SLC6A12: variants seen among roughly 807,000 people sequenced by gnomAD.
The protein encoded by SLC6A12 is sodium- and chloride-dependent betaine transporter.
SLC6A12 carries 50 observed loss-of-function variants against 73.3 expected under a neutral mutation model. The ratio of observed to expected loss-of-function variants is 0.68; its 90% CI spans 0.54 to 0.86. The LOEUF is 0.86. Ranked by LOEUF, SLC6A12 falls within the 40% of genes least tolerant of loss-of-function variation. The pLI is 0.00. For missense variants in SLC6A12, 648 were observed against 772.8 expected (o/e 0.84, Z 1.92); for synonymous variants, 304 against 309.2 (o/e 0.98, Z 0.18).
intron 1 of SLC6A12, among the ~76,000 whole-genome samples, chr12:212,460 G>C (rs1430643449): frequency 1.3e-5 from 2 of 152,144 alleles, no homozygotes; most frequent in African/African-American, 2.4e-5. Flanking sequence ...TCAGAAATAG[G>C]GGAAGTGCAA....
At chr12:188,096 C>G (rs1939468076), downstream of SLC6A12, among the ~76,000 whole-genome samples, 1 of 152,246 alleles carries the variant, frequency 6.6e-6, no homozygotes, top group South Asian at 2.1e-4. Context: ...GAGCTGCCTC[C>G]CAGTCCGGTT....
In SLC6A12 at chr12:198,644, CT is replaced by C; in HGVS notation, c.846+152del. The stretch of plus-strand genomic sequence containing the variant: ...GAATTACAAGAGATTTTTTTAGTTT[CT>C]TTTTTATAGCTTTCTTCCATATTTT... On this transcript the variant is annotated intron_variant, in intron 8 of 15. Coordinates refer to ENST00000684302, the MANE Select transcript of SLC6A12 (RefSeq NM_001122848.3). This position sits in a 1 kb window ranked among gnomAD's most constrained non-coding sequence, Gnocchi z 4.0. 1 of 691,524 alleles carries C rather than the reference CT, an allele frequency of 1.4e-6. No homozygotes were observed. The allele number at this position is 691,524 out of a possible 1,614,324, so 42.8% of individuals were successfully genotyped here.
chr12:204,106 G>A (rs527404481), intron 4 of SLC6A12: 7 of 170,358 alleles, frequency 4.1e-5, no homozygotes, highest in East Asian at 3.1e-4. Context: ...GTCCGTGAGC[G>A]TGCTTGGACC....
chr12:204,760 T>C, intron 3 of SLC6A12, 62 bp from the exon 4 acceptor site: 1 of 1,588,020 alleles, frequency 6.3e-7, no homozygotes, highest in Non-Finnish European at 8.6e-7. Flanking sequence ...CTCCATCCTT[T>C]CAGACCCTCC....
At chr12:200,864 C>A (rs537332009) in intron 6 of SLC6A12, 81 bp from the exon 7 acceptor site, 9 of 1,433,448 alleles carry the variant, frequency 6.3e-6, no homozygotes. Flanking sequence ...TCCTGATTCT[C>A]AGAGCTGACC....
downstream of SLC6A12, among the ~76,000 whole-genome samples, chr12:185,604 G>A (rs1939417121): frequency 6.6e-6 from 1 of 152,256 alleles, no homozygotes; most frequent in Non-Finnish European, 1.5e-5. Context: ...CCTGTGGATG[G>A]ACACGAGCCT....
At chr12:212,969 G>C (rs1249294908) in intron 1 of SLC6A12, among the ~76,000 whole-genome samples, 39 of 152,094 alleles carry the variant, frequency 2.6e-4, no homozygotes, top group Non-Finnish European at 1.5e-5. Flanking sequence ...TCCACACCGG[G>C]CTTGGTGCTG....
downstream of SLC6A12, among the ~76,000 whole-genome samples, chr12:187,600 A>AAAAAAAC (rs1565461300): frequency 9.9e-5 from 1 of 10,142 alleles, no homozygotes; most frequent in African/African-American, 1.5e-4. Context: ...AAAAAAAAAA[A>AAAAAAAC]AAAAAAAAAA....
At chr12:186,834 A>G (rs1205970687), downstream of SLC6A12, among the ~76,000 whole-genome samples, 2 of 152,204 alleles carry the variant, frequency 1.3e-5, no homozygotes, top group Non-Finnish European at 2.9e-5. Context: ...TTCATGGATG[A>G]ATAGCATCAT....
intron 4 of SLC6A12, chr12:203,138 C>T (rs1940386111): frequency 4.2e-6 from 1 of 238,088 alleles, no homozygotes; most frequent in Admixed American, 6.8e-5. Flanking sequence ...ACAGTCTCGG[C>T]TCACTGGAAC....
intron 15 of SLC6A12, 143 bp downstream of exon 15, chr12:192,335 C>T: frequency 1.4e-6 from 1 of 693,260 alleles, no homozygotes; most frequent in East Asian, 2.7e-5. Context: ...CAAAGTTCGT[C>T]TCGTTAAGAT....
chr12:186,394 G>A (rs77827781), downstream of SLC6A12, among the ~76,000 whole-genome samples: 59 of 152,310 alleles, frequency 3.9e-4, no homozygotes, highest in East Asian at 9.4e-3. Flanking sequence ...ATTATCTACT[G>A]CTGTGTAAAA....
downstream of SLC6A12, among the ~76,000 whole-genome samples, chr12:187,274 G>A (rs1297331251): frequency 6.6e-6 from 1 of 152,108 alleles, no homozygotes; most frequent in African/African-American, 2.4e-5. Flanking sequence ...TGAAGCCGCA[G>A]ACCCTCACAG....
At chr12:185,132 G>C (rs888511085), downstream of SLC6A12, among the ~76,000 whole-genome samples, 2 of 152,162 alleles carry the variant, frequency 1.3e-5, no homozygotes, top group Non-Finnish European at 2.9e-5. Context: ...ACACCCTAAA[G>C]AACCAAGAGG....
Position 196,214 on chromosome 12 carries a change from G to T in SLC6A12, c.1236C>A (p.Pro412=). 6.2e-7 allele frequency: 1 copy of T among 1,600,444 alleles called. No homozygotes were observed. ...CLVTASIDMF[P]RQLRKSGRRE... ...GCCGCCCGCTCTTCCGGAGCTGCCT[G>T]GGGAACATGTCTATGGAGGCTGTCA... is the stretch of plus-strand genomic sequence containing the variant. Residue 412 remains proline, a synonymous_variant, in exon 12 of 16, where the codon CCC becomes CCA. Transcript: ENST00000684302.
chr12:195,263 AG>A lies in SLC6A12; in HGVS notation c.1390del (p.Leu464CysfsTer9). On this transcript the variant is annotated frameshift_variant, in exon 13 of 16. Coordinates refer to ENST00000684302, the MANE Select transcript of SLC6A12 (RefSeq NM_001122848.3). LOFTEE classifies it high-confidence loss of function. ...YASSGICLLF[L>X]SLFEVVCISW... ...TATGCAGACCACTTCAAACAATGACAGGAACAGCAGGCATATGCCACTGGAA... is the reference window on the plus strand; with the variant it reads ...TATGCAGACCACTTCAAACAATGACAGAACAGCAGGCATATGCCACTGGAA... 1 of 1,613,196 alleles carries A rather than the reference AG, an allele frequency of 6.2e-7. No homozygotes were observed. Among genetic ancestry groups the A allele is most frequent in the Non-Finnish European group, 8.5e-7 (1 of 1,179,212 alleles).
Position 198,469 on chromosome 12 carries a change from C to T in SLC6A12, c.846+328G>A, listed in dbSNP as rs754690775. On this transcript the variant is annotated intron_variant, in intron 8 of 15. Coordinates refer to ENST00000684302, the MANE Select transcript of SLC6A12 (RefSeq NM_001122848.3). This position sits in a 1 kb window ranked among gnomAD's most constrained non-coding sequence, Gnocchi z 4.0. ...GTCCCAGCTGCTCAGGAGGCTGAGG[C>T]GAGAGAATGCCTTGAGCCCAAGAGG... 2.6e-5 allele frequency among the ~76,000 whole-genome samples: 4 copies of T among 152,076 alleles called. No individual in the cohort carries two copies. Among genetic ancestry groups the T allele is most frequent in the South Asian group, 2.1e-4 (1 of 4,826 alleles).
chr12:187,636 CCA>C (rs1191476216), downstream of SLC6A12, among the ~76,000 whole-genome samples: 2 of 58,996 alleles, frequency 3.4e-5, no homozygotes, highest in Admixed American at 3.1e-4. Context: ...AAAAAACAAA[CCA>C]CACACACAGC....
chr12:192,124 G>A (rs979616982), intron 15 of SLC6A12, among the ~76,000 whole-genome samples: 2 of 152,140 alleles, frequency 1.3e-5, no homozygotes, highest in East Asian at 3.8e-4. Context: ...TCAGTTTTCC[G>A]AGGGCAAGGA....
Sources: allele counts gnomAD v4.1 joint callset (sites outside exome capture counted in the v4.1 genomes callset), GRCh38; gene constraint gnomAD v4.1.1; non-coding constraint Gnocchi (gnomAD v3.1); transcripts MANE v1.5; gene names NCBI Gene and HGNC (gene_info 2026-07-23, HGNC 2026-07-21).